SRL: variants seen among roughly 807,000 people sequenced by gnomAD.
SRL encodes sarcalumenin.
SRL carries 23 observed loss-of-function variants against 39.5 expected under a neutral mutation model. That is an observed-to-expected ratio of 0.58 (90% CI 0.42 to 0.82). The LOEUF is 0.82. SRL is among the 40% of genes least tolerant of loss of function. The pLI is 0.00. For missense variants in SRL, 592 were observed against 607.8 expected (o/e 0.97, Z 0.27); for synonymous variants, 272 against 237.4 (o/e 1.15, Z -1.34).
At chr16:4,231,127 C>A (rs531251966) in intron 1 of SRL, among the ~76,000 whole-genome samples, 1 of 152,234 alleles carries the variant, frequency 6.6e-6, no homozygotes, top group Non-Finnish European at 1.5e-5. Flanking sequence ...CCAGCCCAGG[C>A]AACATGGCGA....
chr16:4,230,562 T>C (rs993930932), intron 1 of SRL, among the ~76,000 whole-genome samples: 3 of 150,878 alleles, frequency 2.0e-5, no homozygotes, highest in Non-Finnish European at 4.4e-5. Context: ...TTTTTTTTTG[T>C]ATCTTTAGTA....
At chr16:4,222,534 A>G (rs1218721697) in intron 1 of SRL, among the ~76,000 whole-genome samples, 1 of 152,080 alleles carries the variant, frequency 6.6e-6, no homozygotes, top group Non-Finnish European at 1.5e-5. Flanking sequence ...TCGGCCTCCC[A>G]AAGTGCTTAG....
At chr16:4,219,053 T>C (rs1026540498) in intron 1 of SRL, among the ~76,000 whole-genome samples, 4 of 152,244 alleles carry the variant, frequency 2.6e-5, no homozygotes, top group African/African-American at 7.2e-5. Flanking sequence ...TTTATCCTTA[T>C]GGTTATTTTT....
intron 1 of SRL, among the ~76,000 whole-genome samples, chr16:4,222,281 G>T (rs1018210400): frequency 6.6e-6 from 1 of 152,114 alleles, no homozygotes; most frequent in Non-Finnish European, 1.5e-5. Context: ...CCTATGTGAC[G>T]GCTTTTTTTA....
At chr16:4,222,221 C>T (rs139823868) in intron 1 of SRL, among the ~76,000 whole-genome samples, 1,918 of 152,284 alleles carry the variant, frequency 0.013, 42 homozygotes, top group African/African-American at 0.043. Context: ...CGTCCCCGAC[C>T]CCTCCTCTGG....
chr16:4,232,093 T>C (rs1312683908), intron 1 of SRL, among the ~76,000 whole-genome samples: 6 of 152,126 alleles, frequency 3.9e-5, no homozygotes, highest in Non-Finnish European at 8.8e-5. Context: ...CCGCTCTGCC[T>C]CTGTGTAGAC....
At chr16:4,202,889 C>G (rs1160216310) in intron 3 of SRL, among the ~76,000 whole-genome samples, 1 of 152,138 alleles carries the variant, frequency 6.6e-6, no homozygotes, top group Non-Finnish European at 1.5e-5. Context: ...ATGTGCATGA[C>G]TGAAGCATAA....
chr16:4,205,338 C>T (rs1257577311), intron 1 of SRL, among the ~76,000 whole-genome samples: 1 of 152,142 alleles, frequency 6.6e-6, no homozygotes, highest in Admixed American at 6.6e-5. Flanking sequence ...TCAAACATCT[C>T]AGGAGGCTTT....
Position 4,192,688 on chromosome 16 carries a change from T to C in SRL, c.887A>G (p.Gln296Arg). The part of the protein sequence containing the change: ...PRVYVSSFWP[Q>R]EYKPDTHQEL... ...CTGATGGGTGTCCGGCTTATACTCTTGTGGCCAGAAGGAGCTGACGTAAAC... is the reference window on the plus strand; with the variant it reads ...CTGATGGGTGTCCGGCTTATACTCTCGTGGCCAGAAGGAGCTGACGTAAAC... The change falls in exon 6 of 6, where the codon CAA (glutamine) becomes CGA (arginine). Residue 296 changes from glutamine to arginine, a missense_variant. Gln to Arg is a conservative substitution (Grantham distance 43, BLOSUM62 1). Coordinates refer to ENST00000399609, the MANE Select transcript of SRL (RefSeq NM_001098814.2). The surrounding 1 kb of genome is among the most constrained non-coding windows in gnomAD (Gnocchi z 4.0). The C allele has an allele frequency of 6.2e-7, 1 of 1,614,092 alleles. No individual in the cohort carries two copies. The highest frequency in any genetic ancestry group is 2.2e-5 in the East Asian group (1 of 44,874).
At chr16:4,213,734 G>A (rs181504169) in intron 1 of SRL, among the ~76,000 whole-genome samples, 228 of 152,204 alleles carry the variant, frequency 1.5e-3, no homozygotes, top group African/African-American at 5.2e-3. Flanking sequence ...CAGTCCACAC[G>A]TGCCAGGCTC....
At chr16:4,235,225 C>T (rs2052703008) in intron 1 of SRL, among the ~76,000 whole-genome samples, 1 of 152,198 alleles carries the variant, frequency 6.6e-6, no homozygotes, top group Non-Finnish European at 1.5e-5. Context: ...AGACAGGACT[C>T]CCAGAGCAAA....
intron 3 of SRL, among the ~76,000 whole-genome samples, chr16:4,201,809 C>G (rs528955424): frequency 7.2e-6 from 1 of 139,154 alleles, no homozygotes; most frequent in South Asian, 2.1e-4. Flanking sequence ...CCGCCAGCCA[C>G]TAGGCAGGGC....
At chr16:4,229,844 C>A (rs887839360) in intron 1 of SRL, among the ~76,000 whole-genome samples, 1 of 152,238 alleles carries the variant, frequency 6.6e-6, no homozygotes, top group Admixed American at 6.5e-5. Context: ...GCTTCCACAT[C>A]CTGCACCATC....
At chr16:4,236,771 G>A (rs1044631602) in intron 1 of SRL, among the ~76,000 whole-genome samples, 8 of 151,988 alleles carry the variant, frequency 5.3e-5, no homozygotes, top group African/African-American at 1.9e-4. Flanking sequence ...AGCCTCCCGA[G>A]TAGCTGGGAT....
At chr16:4,220,964 A>G (rs1464012817) in intron 1 of SRL, among the ~76,000 whole-genome samples, 1 of 151,898 alleles carries the variant, frequency 6.6e-6, no homozygotes, top group Non-Finnish European at 1.5e-5. Flanking sequence ...CCAGCCTGGC[A>G]ACAGAGCGAG....
intron 1 of SRL, among the ~76,000 whole-genome samples, chr16:4,223,227 G>A (rs1430096043): frequency 5.3e-4 from 51 of 96,630 alleles, no homozygotes; most frequent in African/African-American, 2.8e-3. Flanking sequence ...GCAAAACTCT[G>A]TCTCAAAAAA....
intron 1 of SRL, chr16:4,207,937 C>T (rs1203293192): frequency 8.8e-6 from 4 of 456,740 alleles, no homozygotes; most frequent in South Asian, 1.5e-5. Flanking sequence ...TTGGGGCTCT[C>T]GGCCTCCCTG....
chr16:4,208,434 G>T, intron 1 of SRL, among the ~76,000 whole-genome samples: 1 of 152,086 alleles, frequency 6.6e-6, no homozygotes, highest in East Asian at 1.9e-4. Flanking sequence ...TTCCGGGCTT[G>T]GTCCTGATGA....
rs1420718248 is a variant in SRL, at chr16:4,209,221, C to G, written c.62-4587G>C. ...CCGGGAGGTGGAGGTTGCAGTGAGC[C>G]GAGATCGCGCCACTGCACTCCAGGC... On this transcript the variant is annotated intron_variant, in intron 1 of 5. Transcript: ENST00000399609. 2.6e-5 allele frequency among the ~76,000 whole-genome samples: 4 copies of G among 151,764 alleles called. 1 individual carries two copies. The highest frequency in any genetic ancestry group is 4.2e-4 in the South Asian group (2 of 4,804).
Sources: gnomAD v4.1 joint callset for allele counts (sites outside exome capture counted in the v4.1 genomes callset) on GRCh38, gnomAD v4.1.1 for gene constraint, Gnocchi (gnomAD v3.1) non-coding constraint, MANE v1.5 for transcripts, NCBI Gene and HGNC (gene_info 2026-07-23, HGNC 2026-07-21) for gene names.